The following KCNT1 variants were observed in gnomAD, a reference collection of about 807,000 sequenced individuals.
KCNT1 encodes the protein potassium sodium-activated channel subfamily T member 1, also known as potassium channel subfamily T member 1.
Under a neutral mutation model 147.8 loss-of-function variants are expected in KCNT1, and 78 were observed. The ratio of observed to expected loss-of-function variants is 0.53; its 90% CI spans 0.44 to 0.64. The LOEUF is 0.64. KCNT1 is among the 30% of genes least tolerant of loss of function. KCNT1 has a pLI of 0.00. For missense variants in KCNT1, 1,419 were observed against 1,750.3 expected, an observed-to-expected ratio of 0.81 and a Z score of 3.38; for synonymous variants, 867 against 748.8, an observed-to-expected ratio of 1.16 and a Z score of -2.58.
intron 2 of KCNT1, among the ~76,000 whole-genome samples, chr9:135,744,907 C>T (rs926591745): frequency 5.3e-5 from 8 of 152,226 alleles, no homozygotes; most frequent in African/African-American, 1.9e-4. Context: ...TGGGCAGTGG[C>T]GGTCCCTGGT....
intron 13 of KCNT1, among the ~76,000 whole-genome samples, chr9:135,767,808 A>G (rs936691250): frequency 1.3e-5 from 2 of 151,886 alleles, no homozygotes; most frequent in Admixed American, 1.3e-4. Flanking sequence ...CAACTTAGGG[A>G]CAAGCTGGGG....
chr9:135,765,594 A>G (rs1275832704), intron 12 of KCNT1, 30 bp from the exon 13 acceptor site: 2 of 1,592,108 alleles, frequency 1.3e-6, no homozygotes, highest in Non-Finnish European at 1.7e-6. Context: ...GGGCTGGCTC[A>G]GAGGGTCTGA....
intron 2 of KCNT1, among the ~76,000 whole-genome samples, chr9:135,748,408 C>T (rs758212099): frequency 4.0e-5 from 6 of 151,382 alleles, no homozygotes; most frequent in South Asian, 2.1e-4. Flanking sequence ...TGGGAAACAT[C>T]GAATGTTTTA....
chr9:135,788,063 C>CTCTT (rs568013228), intron 29 of KCNT1: 12 of 1,500,134 alleles, frequency 8.0e-6, no homozygotes, highest in Non-Finnish European at 1.0e-5. Context: ...CTCTCTCTCT[C>CTCTT]TCTTTCTGTC....
chr9:135,705,394 G>A lies in KCNT1; in HGVS notation c.110+3026G>A, dbSNP rs535575110. ...GGGTGAGGGATGCTGAACGGGTATC[G>A]TGTACCCAAAAACAAGTGCTGTGTG... is the stretch of plus-strand genomic sequence containing the variant. On this transcript the variant is annotated intron_variant, in intron 1 of 30. Coordinates refer to ENST00000371757, the MANE Select transcript of KCNT1 (RefSeq NM_020822.3). Among the ~76,000 whole-genome samples, 35 of 152,352 alleles carry A rather than the reference G, an allele frequency of 2.3e-4. No individual in the cohort carries two copies. In the East Asian group the frequency reaches 4.0e-3, roughly 18 times the overall value.
intron 11 of KCNT1, among the ~76,000 whole-genome samples, chr9:135,761,052 G>A (rs576069940): frequency 6.6e-6 from 1 of 151,754 alleles, no homozygotes; most frequent in East Asian, 1.9e-4. Context: ...ATTAGAGATA[G>A]GGTCTCACTC....
chr9:135,734,547 C>G (rs760818620), intron 2 of KCNT1, among the ~76,000 whole-genome samples: 4 of 152,168 alleles, frequency 2.6e-5, no homozygotes, highest in African/African-American at 4.8e-5. Flanking sequence ...CTGCTGCAGC[C>G]GGCTGTGGGC....
At chr9:135,780,669 G>A (rs1021080788) in intron 24 of KCNT1, among the ~76,000 whole-genome samples, 11 of 152,190 alleles carry the variant, frequency 7.2e-5, no homozygotes, top group South Asian at 2.1e-4. Context: ...TGCCCTGCCC[G>A]CCGCCCAAGC....
chr9:135,754,963 T>A (rs942381094), intron 5 of KCNT1, among the ~76,000 whole-genome samples, 158 bp from the exon 6 acceptor site: 2 of 152,112 alleles, frequency 1.3e-5, no homozygotes, highest in African/African-American at 2.4e-5. Context: ...CTCCTTATGG[T>A]CCCCTCCAAA....
chr9:135,756,096 C>T (rs1468881603), intron 6 of KCNT1, among the ~76,000 whole-genome samples: 1 of 151,812 alleles, frequency 6.6e-6, no homozygotes, highest in East Asian at 1.9e-4. Context: ...AGCAGGGAAA[C>T]CAGACTTTAG....
chr9:135,738,878 A>C (rs1169182758), intron 2 of KCNT1, among the ~76,000 whole-genome samples: 4 of 152,128 alleles, frequency 2.6e-5, no homozygotes, highest in African/African-American at 9.7e-5. Context: ...CTGATTAGAC[A>C]GCGTGGCTTC....
chr9:135,780,807 G>A (rs972329384), intron 24 of KCNT1, among the ~76,000 whole-genome samples: 15 of 152,230 alleles, frequency 9.9e-5, no homozygotes, highest in African/African-American at 3.6e-4. Flanking sequence ...TCTGTGTTCG[G>A]GTGCCGGGCC....
In KCNT1 at chr9:135,777,201, C is replaced by A. The variant is rs967184022; in HGVS notation, c.2350-137C>A. On this transcript the variant is annotated intron_variant, in intron 20 of 30. Coordinates refer to ENST00000371757, the MANE Select transcript of KCNT1 (RefSeq NM_020822.3). ...GTAGCTCCCCACAGGCGTGTGCAGG[C>A]CGTGAAAGGGCTGTGGGCCGAGAGG... 5 of 864,300 alleles carry A rather than the reference C, an allele frequency of 5.8e-6. No individual in the cohort carries two copies. The African/African-American group carries it at 6.8e-5, about 12-fold the overall frequency. 53.5% of individuals were successfully genotyped at this position (864,300 alleles called of 1,614,324 possible).
chr9:135,752,640 C>T lies in KCNT1; in HGVS notation c.435-1297C>T, dbSNP rs111978183. ...GGATGGTGGATGATGGATGGATGGA[C>T]GGACGGACGGATGGACGGATGGATG... On this transcript the variant is annotated intron_variant, in intron 4 of 30. Transcript: ENST00000371757. This position sits in a 1 kb window ranked among gnomAD's most constrained non-coding sequence, Gnocchi z 5.1. Among the ~76,000 whole-genome samples, 13 of 138,924 alleles carry T rather than the reference C, an allele frequency of 9.4e-5. No homozygotes were observed. The highest frequency in any genetic ancestry group is 2.1e-4 in the African/African-American group (7 of 32,630). 91.1% of individuals were successfully genotyped at this position (138,924 alleles called of 152,430 possible).
chr9:135,707,802 CG>C (rs1835316921), intron 1 of KCNT1, among the ~76,000 whole-genome samples: 1 of 152,192 alleles, frequency 6.6e-6, no homozygotes, highest in African/African-American at 2.4e-5. Context: ...CTCTTCCCGC[CG>C]GGCTGGGAGA....
At chr9:135,715,221 A>G (rs964316257) in intron 2 of KCNT1, among the ~76,000 whole-genome samples, 16 of 152,144 alleles carry the variant, frequency 1.1e-4, no homozygotes, top group African/African-American at 3.6e-4. Context: ...TCCCCTCAAC[A>G]TCTCCTGGGC....
At chr9:135,785,527 T>G in intron 28 of KCNT1, 197 bp downstream of exon 28, 1 of 709,050 alleles carries the variant, frequency 1.4e-6, no homozygotes, top group Non-Finnish European at 2.4e-6. Flanking sequence ...CCTCCTGCAC[T>G]GGTGGTGGGG....
At position 135,779,549 on chromosome 9, in the gene KCNT1, G is replaced by C. The variant is rs907687676; in HGVS notation, c.2841+79G>C. The C allele has an allele frequency of 8.2e-6, 9 of 1,097,376 alleles. No individual in the cohort carries two copies. In the Admixed American group the frequency reaches 1.4e-4, roughly 17 times the overall value. The allele number at this position is 1,097,376 out of a possible 1,614,324, so 68.0% of individuals were successfully genotyped here. A position where few individuals can be genotyped will look rare whatever the true frequency, so the allele number is the denominator to read the frequency against. On this transcript the variant is annotated intron_variant, in intron 24 of 30. Coordinates refer to ENST00000371757, the MANE Select transcript of KCNT1 (RefSeq NM_020822.3). ...GAGAAAGGGGCTCAGGGGAAAGGGGGCCAGTGCCATGGGAGGCTGGGCTCC... is the reference window on the plus strand; with the variant it reads ...GAGAAAGGGGCTCAGGGGAAAGGGGCCCAGTGCCATGGGAGGCTGGGCTCC...
At chr9:135,742,070 C>T (rs1382295424) in intron 2 of KCNT1, among the ~76,000 whole-genome samples, 1 of 152,216 alleles carries the variant, frequency 6.6e-6, no homozygotes, top group Non-Finnish European at 1.5e-5. Flanking sequence ...GGCCAGGTTG[C>T]CTGGGGCCAG....
Sources: gnomAD v4.1 joint callset for allele counts (sites outside exome capture counted in the v4.1 genomes callset) on GRCh38, gnomAD v4.1.1 for gene constraint, Gnocchi (gnomAD v3.1) non-coding constraint, MANE v1.5 for transcripts, NCBI Gene and HGNC (gene_info 2026-07-23, HGNC 2026-07-21) for gene names.